PTBP2: variants seen among roughly 807,000 people sequenced by gnomAD.
The protein encoded by PTBP2 is polypyrimidine tract binding protein 2.
A neutral mutation model predicts 61.4 loss-of-function variants in PTBP2; 13 were observed. The ratio of observed to expected loss-of-function variants is 0.21; its 90% CI spans 0.14 to 0.34. The LOEUF (loss-of-function observed/expected upper bound fraction) is 0.34. PTBP2 is among the 10% of genes least tolerant of loss of function. The pLI is 1.00. For synonymous variants in PTBP2, 215 were observed against 218.5 expected (o/e 0.98, Z 0.14); for missense variants, 405 against 642.6 (o/e 0.63, Z 4.00).
At position 96,723,969 on chromosome 1, in the gene PTBP2, T is replaced by A. The variant is rs187460095; in HGVS notation, c.39+375T>A. On this transcript the variant is annotated intron_variant, in intron 2 of 13. Transcript: ENST00000674951. ...TTAATCTAAGTTTTTTGTTTTTTAT[T>A]ACTTTTTGTCATGAAAATGAATATA... 2.4e-4 allele frequency among the ~76,000 whole-genome samples: 37 copies of A among 152,340 alleles called. No homozygotes were observed. The East Asian group carries it at 5.8e-3, about 24-fold the overall frequency.
At chr1:96,778,355 T>G (rs1289018272) in intron 7 of PTBP2, among the ~76,000 whole-genome samples, 1 of 150,110 alleles carries the variant, frequency 6.7e-6, no homozygotes, top group Non-Finnish European at 1.5e-5. Context: ...AGGCTCTCAG[T>G]TTATTTAAAA....
At chr1:96,771,948 A>G (rs1375773535) in intron 5 of PTBP2, among the ~76,000 whole-genome samples, 3 of 152,166 alleles carry the variant, frequency 2.0e-5, no homozygotes, top group Non-Finnish European at 4.4e-5. Flanking sequence ...TCACACCACA[A>G]CAATCAACAC....
rs145977436 is a variant in PTBP2 at position 96,813,068 on chromosome 1, T to C, written c.1428T>C (p.Ala476=). Residue 476 remains alanine, a synonymous_variant, in exon 13 of 14, where the codon GCT becomes GCC. Transcript: ENST00000674951. ...VAEEDLRTLF[A]NTGGTVKAFK... Reference sequence around the variant, plus strand: ...AAGAGGATCTACGAACACTGTTCGCTAACACTGGGGGCACTGTGAAAGCAT... The same window carrying C: ...AAGAGGATCTACGAACACTGTTCGCCAACACTGGGGGCACTGTGAAAGCAT... The C allele has an allele frequency of 7.5e-4, 1,213 of 1,613,340 alleles. 1 individual carries two copies. The highest frequency in any genetic ancestry group is 9.8e-4 in the Non-Finnish European group (1,157 of 1,179,550).
rs539270888 is a variant in PTBP2, at chr1:96,724,176, T to C, written c.39+582T>C. Among the ~76,000 whole-genome samples, 22 of 152,328 alleles carry C rather than the reference T, an allele frequency of 1.4e-4. No homozygotes were observed. The East Asian group carries it at 4.1e-3, about 28-fold the overall frequency. On this transcript the variant is annotated intron_variant, in intron 2 of 13. Coordinates refer to ENST00000674951, the MANE Select transcript of PTBP2 (RefSeq NM_021190.4). Reference sequence around the variant, plus strand: ...TTTGGCTAAGAAAACTACTCATCGTTTAAACTTTAGTTCTAATGCTTAACA... The same window carrying C: ...TTTGGCTAAGAAAACTACTCATCGTCTAAACTTTAGTTCTAATGCTTAACA...
chr1:96,809,493 A>G (rs1043857996), intron 11 of PTBP2, among the ~76,000 whole-genome samples: 5 of 151,970 alleles, frequency 3.3e-5, no homozygotes, highest in Non-Finnish European at 5.9e-5. Context: ...AAGTCTCAGT[A>G]TTGCATGAGT....
At position 96,738,657 on chromosome 1, in the gene PTBP2, A is replaced by G. The variant is rs182552300; in HGVS notation, c.40-12768A>G. Among the ~76,000 whole-genome samples the G allele has an allele frequency of 2.1e-3, 320 of 152,298 alleles. 1 individual carries two copies. The highest frequency in any genetic ancestry group is 7.5e-3 in the African/African-American group (313 of 41,562). On this transcript the variant is annotated intron_variant, in intron 2 of 13. Transcript: ENST00000674951. ...TTGAGGATAATAATTTCTAACTTGC[A>G]TGATTGTTGTGAAGATTAAATAAGA...
intron 5 of PTBP2, among the ~76,000 whole-genome samples, chr1:96,776,704 T>C (rs2101039271): frequency 6.6e-6 from 1 of 151,930 alleles, no homozygotes; most frequent in Middle Eastern, 3.4e-3. Flanking sequence ...AAAGAAATTA[T>C]TTCCTTATCA....
At chr1:96,762,675 C>CT (rs945025956) in intron 3 of PTBP2, among the ~76,000 whole-genome samples, 5 of 136,910 alleles carry the variant, frequency 3.7e-5, no homozygotes, top group African/African-American at 1.7e-4. Flanking sequence ...GGGGGTCTGA[C>CT]CCCCCCACCT....
intron 8 of PTBP2, among the ~76,000 whole-genome samples, chr1:96,793,357 TG>T (rs1353538602): frequency 6.6e-6 from 1 of 152,126 alleles, no homozygotes; most frequent in African/African-American, 2.4e-5. Context: ...TCATTTAAAT[TG>T]TTTATTTTTT....
chr1:96,799,504 G>A (rs1160936582), intron 8 of PTBP2, among the ~76,000 whole-genome samples: 2 of 151,876 alleles, frequency 1.3e-5, no homozygotes, highest in African/African-American at 4.8e-5. Context: ...CATCGTGTTA[G>A]CCAGGATGGT....
At chr1:96,775,814 AT>A (rs143069137) in intron 5 of PTBP2, among the ~76,000 whole-genome samples, 76 of 152,252 alleles carry the variant, frequency 5.0e-4, no homozygotes, top group African/African-American at 1.7e-3. Flanking sequence ...AAAGAAATGT[AT>A]GAAGTAATTT....
In PTBP2 at chr1:96,735,176, C is replaced by A. The variant is rs151304577; in HGVS notation, c.39+11582C>A. 5.6e-3 allele frequency among the ~76,000 whole-genome samples: 848 copies of A among 152,098 alleles called. 20 individuals carry two copies. Among genetic ancestry groups the A allele is most frequent in the Admixed American group, 0.045 (687 of 15,266 alleles). On this transcript the variant is annotated intron_variant, in intron 2 of 13. Transcript: ENST00000674951. The stretch of plus-strand genomic sequence containing the variant: ...CAAGTGATCTGCCCACCTTGGCTTC[C>A]CAAAGTGCTGGGATTATAGGCATGA...
At chr1:96,782,265 T>A (rs1179492539) in intron 7 of PTBP2, among the ~76,000 whole-genome samples, 2 of 152,046 alleles carry the variant, frequency 1.3e-5, no homozygotes, top group Non-Finnish European at 2.9e-5. Flanking sequence ...GGTTGTTTCT[T>A]ATTCTTTATT....
chr1:96,793,171 TA>T (rs930880983), intron 8 of PTBP2, among the ~76,000 whole-genome samples: 79 of 152,298 alleles, frequency 5.2e-4, no homozygotes, highest in African/African-American at 1.8e-3. Flanking sequence ...ATCTAAGAAG[TA>T]AAAAATAGTT....
At position 96,721,822 on chromosome 1, in the gene PTBP2, G is replaced by A. The variant is rs996192317; in HGVS notation, c.-43G>A. 1.3e-6 allele frequency: 2 copies of A among 1,555,306 alleles called. No individual in the cohort carries two copies. The highest frequency in any genetic ancestry group is 3.9e-5 in the Admixed American group (2 of 51,176). ...TCGCCGCTTGTGTGGCTCGCTGGCTGCGTGGCTCGGTTCTTGTGAGCGAAG... is the reference window on the plus strand; with the variant it reads ...TCGCCGCTTGTGTGGCTCGCTGGCTACGTGGCTCGGTTCTTGTGAGCGAAG... On this transcript the variant is annotated 5_prime_UTR_variant, in exon 1 of 14. Transcript: ENST00000674951.
intron 3 of PTBP2, among the ~76,000 whole-genome samples, chr1:96,752,269 A>G (rs1654645731): frequency 6.6e-6 from 1 of 152,064 alleles, no homozygotes; most frequent in Non-Finnish European, 1.5e-5. Context: ...TCCACATTTT[A>G]CATTATTTAC....
At chr1:96,766,532 A>G (rs982029894) in intron 3 of PTBP2, among the ~76,000 whole-genome samples, 3 of 152,178 alleles carry the variant, frequency 2.0e-5, no homozygotes, top group African/African-American at 4.8e-5. Flanking sequence ...CTAATGCTTC[A>G]TAAGCTAATG....
chr1:96,738,520 G>A (rs1366319365), intron 2 of PTBP2, among the ~76,000 whole-genome samples: 4 of 152,100 alleles, frequency 2.6e-5, no homozygotes, highest in African/African-American at 4.8e-5. Context: ...TGATCCGCCC[G>A]CCTCGGAAAT....
Position 96,777,573 on chromosome 1 carries a change from C to T in PTBP2, c.433-12C>T. 1 of 1,596,768 alleles carries T rather than the reference C, an allele frequency of 6.3e-7. No homozygotes were observed. The highest frequency in any genetic ancestry group is 8.5e-7 in the Non-Finnish European group (1 of 1,172,562). ...TGGGTATGTTTCTAAACTACATAATCTTAATTTCCAGCGTGCTCAGGCAGT... is the reference window on the plus strand; with the variant it reads ...TGGGTATGTTTCTAAACTACATAATTTTAATTTCCAGCGTGCTCAGGCAGT... On this transcript the variant is annotated splice_polypyrimidine_tract_variant and intron_variant, in intron 5 of 13. Coordinates refer to ENST00000674951, the MANE Select transcript of PTBP2 (RefSeq NM_021190.4).
Sources: allele counts gnomAD v4.1 joint callset (sites outside exome capture counted in the v4.1 genomes callset), GRCh38; gene constraint gnomAD v4.1.1; transcripts MANE v1.5; gene names NCBI Gene and HGNC (gene_info 2026-07-23, HGNC 2026-07-21).